SCAI: variants seen among roughly 807,000 people sequenced by gnomAD.
SCAI encodes the protein suppressor of cancer cell invasion.
SCAI carries 24 observed loss-of-function variants against 92.2 expected under a neutral mutation model. The ratio of observed to expected loss-of-function variants is 0.26; its 90% CI spans 0.19 to 0.37. The LOEUF (loss-of-function observed/expected upper bound fraction) is 0.37, where lower values mean the gene tolerates loss of function less well. Ranked by LOEUF, SCAI falls within the 10% of genes least tolerant of loss-of-function variation. The pLI is 1.00. For missense variants in SCAI, 450 were observed against 736.2 expected, an observed-to-expected ratio of 0.61 and a Z score of 4.50; for synonymous variants, 261 against 258.6, an observed-to-expected ratio of 1.01 and a Z score of -0.09.
At chr9:125,100,614 T>C (rs975144114) in intron 2 of SCAI, among the ~76,000 whole-genome samples, 4 of 152,186 alleles carry the variant, frequency 2.6e-5, no homozygotes, top group African/African-American at 7.2e-5. Context: ...CATAAAATGT[T>C]CTTGGACTAA....
chr9:125,143,363 G>A, intron 1 of SCAI, 22 bp downstream of exon 1: 2 of 932,050 alleles, frequency 2.1e-6, no homozygotes, highest in East Asian at 8.1e-5. Context: ...CCCCAACCCC[G>A]GCCTCCACCC....
chr9:124,981,164 C>T (rs1283666099), intron 14 of SCAI, among the ~76,000 whole-genome samples: 1 of 152,136 alleles, frequency 6.6e-6, no homozygotes, highest in Non-Finnish European at 1.5e-5. Flanking sequence ...TTGAACCAGA[C>T]ATAGCTCATA....
At chr9:124,982,051 A>G (rs1405166347) in intron 14 of SCAI, among the ~76,000 whole-genome samples, 1 of 152,200 alleles carries the variant, frequency 6.6e-6, no homozygotes, top group African/African-American at 2.4e-5. Context: ...CTTCTATTCT[A>G]TATTGATAAA....
intron 2 of SCAI, among the ~76,000 whole-genome samples, chr9:125,138,109 T>TA (rs1328040867): frequency 1.3e-5 from 2 of 152,160 alleles, no homozygotes; most frequent in Admixed American, 6.6e-5. Flanking sequence ...CCTTTATTTT[T>TA]AATCTTCTCA....
intron 9 of SCAI, among the ~76,000 whole-genome samples, chr9:125,010,677 C>G (rs954206247): frequency 2.0e-5 from 3 of 152,198 alleles, no homozygotes; most frequent in African/African-American, 7.2e-5. Context: ...TTGAAGACAG[C>G]AGTGGTTCTC....
chr9:125,003,616 C>G (rs751502498), intron 9 of SCAI, 46 bp from the exon 10 acceptor site: 2 of 1,209,912 alleles, frequency 1.7e-6, no homozygotes, highest in East Asian at 2.3e-5. Context: ...TAATGCAACA[C>G]GCAGACTTTA....
At chr9:125,062,825 G>GGC (rs1833796065) in intron 2 of SCAI, among the ~76,000 whole-genome samples, 1 of 151,346 alleles carries the variant, frequency 6.6e-6, no homozygotes, top group Admixed American at 6.6e-5. Context: ...ATCAAGAACA[G>GGC]CCTGGCCAAC....
At chr9:125,116,459 ATAAG>A (rs1040816688) in intron 2 of SCAI, among the ~76,000 whole-genome samples, 7 of 152,200 alleles carry the variant, frequency 4.6e-5, no homozygotes, top group African/African-American at 1.4e-4. Context: ...TATTTAAAAA[ATAAG>A]AAGTAGAACA....
In SCAI at chr9:125,143,485, G is replaced by C. The variant is rs1009448964; in HGVS notation, c.-48C>G. 1 of 1,312,516 alleles carries C rather than the reference G, an allele frequency of 7.6e-7. No individual in the cohort carries two copies. Among genetic ancestry groups the C allele is most frequent in the Non-Finnish European group, 9.7e-7 (1 of 1,029,704 alleles). The allele number at this position is 1,312,516 out of a possible 1,614,324, so 81.3% of individuals were successfully genotyped here. On this transcript the variant is annotated 5_prime_UTR_variant, in exon 1 of 18. Coordinates refer to ENST00000336505, the MANE Select transcript of SCAI (RefSeq NM_001144877.3). ...AGCTGCTCCGGCGGCCGCAGGGCTCGCTCGGGAAGCTGAGGCGGCGGAGGC... is the reference window on the plus strand; with the variant it reads ...AGCTGCTCCGGCGGCCGCAGGGCTCCCTCGGGAAGCTGAGGCGGCGGAGGC...
intron 2 of SCAI, among the ~76,000 whole-genome samples, chr9:125,132,686 C>T (rs1203709259): frequency 1.3e-5 from 2 of 152,056 alleles, no homozygotes; most frequent in East Asian, 3.9e-4. Flanking sequence ...AAAGCATTCT[C>T]AGGCTGGTGC....
intron 3 of SCAI, among the ~76,000 whole-genome samples, chr9:125,042,379 C>T (rs1833332577): frequency 6.6e-6 from 1 of 151,940 alleles, no homozygotes; most frequent in South Asian, 2.1e-4. Flanking sequence ...TGTAAATTTC[C>T]TGTAAATCCC....
At chr9:124,985,070 G>C (rs1357032474) in intron 14 of SCAI, among the ~76,000 whole-genome samples, 1 of 152,150 alleles carries the variant, frequency 6.6e-6, no homozygotes, top group Non-Finnish European at 1.5e-5. Flanking sequence ...GAATCTAATA[G>C]AAAACTCGCC....
chr9:124,961,157 G>T (rs1008118591), intron 17 of SCAI, among the ~76,000 whole-genome samples: 1 of 151,278 alleles, frequency 6.6e-6, no homozygotes, highest in Non-Finnish European at 1.5e-5. Context: ...ATTAGTAGTT[G>T]GGCAGTGGCA....
chr9:125,118,297 T>A (rs1462849957), intron 2 of SCAI, among the ~76,000 whole-genome samples: 1 of 152,108 alleles, frequency 6.6e-6, no homozygotes, highest in African/African-American at 2.4e-5. Flanking sequence ...GAGGATCATT[T>A]GAGGCCAAGA....
At position 124,957,716 on chromosome 9, in the gene SCAI, C is replaced by T. The variant is rs1184698804; in HGVS notation, c.1675-4763G>A. 2.7e-5 allele frequency among the ~76,000 whole-genome samples: 4 copies of T among 150,180 alleles called. No individual in the cohort carries two copies. In the East Asian group the frequency reaches 7.9e-4, roughly 29 times the overall value. On this transcript the variant is annotated intron_variant, in intron 17 of 17. Transcript: ENST00000336505. ...TTTTTTAAAAAGACGGAGTCTCACTCTGTTGCCCAGGCCGGAGTGCAATGG... is the reference window on the plus strand; with the variant it reads ...TTTTTTAAAAAGACGGAGTCTCACTTTGTTGCCCAGGCCGGAGTGCAATGG...
At chr9:124,975,810 C>T (rs1831743178) in intron 15 of SCAI, among the ~76,000 whole-genome samples, 1 of 152,074 alleles carries the variant, frequency 6.6e-6, no homozygotes, top group African/African-American at 2.4e-5. Flanking sequence ...ATATGACCAG[C>T]AAATCAAAAC....
At chr9:124,994,314 C>T (rs576011750) in intron 14 of SCAI, among the ~76,000 whole-genome samples, 2 of 152,284 alleles carry the variant, frequency 1.3e-5, no homozygotes, top group African/African-American at 2.4e-5. Context: ...GGATTACAGG[C>T]GTGAGCCACT....
intron 2 of SCAI, among the ~76,000 whole-genome samples, chr9:125,109,352 A>C (rs995540891): frequency 6.6e-6 from 1 of 151,922 alleles, no homozygotes; most frequent in Non-Finnish European, 1.5e-5. Flanking sequence ...AAGAATTATC[A>C]ATTTTAAAAA....
chr9:125,126,458 C>CAGAG (rs143876924), intron 2 of SCAI, among the ~76,000 whole-genome samples: 1 of 145,878 alleles, frequency 6.9e-6, no homozygotes, highest in East Asian at 2.0e-4. Flanking sequence ...AGGCAGAAGT[C>CAGAG]AGAGAGAGAG....
Sources: gnomAD v4.1 joint callset for allele counts (sites outside exome capture counted in the v4.1 genomes callset) on GRCh38, gnomAD v4.1.1 for gene constraint, MANE v1.5 for transcripts, NCBI Gene and HGNC (gene_info 2026-07-23, HGNC 2026-07-21) for gene names.